The following EP400 variants were observed in gnomAD, a reference collection of about 807,000 sequenced individuals.
EP400 encodes the protein E1A binding protein p400, also known as E1A-binding protein p400.
In EP400, 105 loss-of-function variants were observed where a neutral mutation model predicts 354.1. The ratio of observed to expected loss-of-function variants is 0.30; its 90% confidence interval spans 0.25 to 0.35. EP400 has a LOEUF of 0.35. Ranked by LOEUF, EP400 falls within the 10% of genes least tolerant of loss-of-function variation. The pLI, the probability that EP400 is intolerant of heterozygous loss-of-function variation, is 1.00. For missense variants in EP400, 3,280 were observed against 4,121.0 expected (o/e 0.80, Z 5.59); for synonymous variants, 1,646 against 1,716.9 (o/e 0.96, Z 1.02).
At chr12:132,030,623 T>G (rs1401429411) in intron 29 of EP400, among the ~76,000 whole-genome samples, 1 of 152,222 alleles carries the variant, frequency 6.6e-6, no homozygotes, top group Non-Finnish European at 1.5e-5. Context: ...CCTGGCAGTA[T>G]GGATTTGAAC....
At chr12:132,069,792 A>AG in intron 51 of EP400, 151 bp downstream of exon 51, 7 of 1,225,336 alleles carry the variant, frequency 5.7e-6, no homozygotes, top group Non-Finnish European at 7.8e-6. Context: ...CTCAGGTTTC[A>AG]ACCCCTCTGG....
intron 50 of EP400, chr12:132,068,787 T>C (rs527319100): frequency 1.3e-5 from 2 of 152,526 alleles, no homozygotes; most frequent in East Asian, 1.9e-4. Flanking sequence ...AAGGAGACAG[T>C]GCTGGGACTT....
chr12:131,956,105 A>G (rs1891690199), intron 1 of EP400, among the ~76,000 whole-genome samples: 1 of 151,872 alleles, frequency 6.6e-6, no homozygotes, highest in Admixed American at 6.6e-5. Flanking sequence ...CTCTGTCCCC[A>G]CCATTCTCCT....
At position 132,067,468 on chromosome 12, in the gene EP400, G is replaced by A. The variant is rs111707715; in HGVS notation, c.8856G>A (p.Pro2952=). The A allele has an allele frequency of 5.6e-5, 91 of 1,612,928 alleles. No homozygotes were observed. Among genetic ancestry groups the A allele is most frequent in the East Asian group, 2.7e-4 (12 of 44,880 alleles). The part of the protein sequence containing the change: ...KAIQPQAAQG[P]AAVQQKITAQ... ...TCCAGCCCCAGGCTGCACAGGGCCCGGCAGCCGTCCAGCAGAAGGTACCGG... is the reference window on the plus strand; with the variant it reads ...TCCAGCCCCAGGCTGCACAGGGCCCAGCAGCCGTCCAGCAGAAGGTACCGG... Residue 2952 remains proline, a synonymous_variant, in exon 50 of 53, where the codon CCG becomes CCA. Coordinates refer to ENST00000389561, the MANE Select transcript of EP400 (RefSeq NM_015409.5). This position sits in a 1 kb window ranked among gnomAD's most constrained non-coding sequence, Gnocchi z 5.3.
At chr12:132,003,343 AT>A (rs1566182010) in intron 12 of EP400, among the ~76,000 whole-genome samples, 1 of 152,178 alleles carries the variant, frequency 6.6e-6, no homozygotes, top group Non-Finnish European at 1.5e-5. Flanking sequence ...TAACCTAGAG[AT>A]TATTTAAAAT....
chr12:132,007,692 G>C (rs916852484), intron 15 of EP400, among the ~76,000 whole-genome samples: 1 of 152,252 alleles, frequency 6.6e-6, no homozygotes, highest in Non-Finnish European at 1.5e-5. Flanking sequence ...CCCACTATAT[G>C]TTCCAGACTT....
Position 132,011,523 on chromosome 12 carries a change from T to G in EP400, c.3330T>G (p.Val1110=), listed in dbSNP as rs1211758564. 1 of 1,613,110 alleles carries G rather than the reference T, an allele frequency of 6.2e-7. No individual in the cohort carries two copies. Among genetic ancestry groups the G allele is most frequent in the Non-Finnish European group, 8.5e-7 (1 of 1,179,828 alleles). ...NEGNWGPHLV[V]VRSCNILKWE... is the part of the protein sequence containing the mutation. ...GTAATTGGGGCCCCCATCTTGTTGT[T>G]GTGAGAAGTTGTAACATACTCAAGT... The change falls in exon 16 of 53, where the codon GTT becomes GTG. Residue 1110 remains valine (V), a synonymous_variant. Transcript: ENST00000389561.
chr12:132,019,218 T>G (rs1216089059), intron 21 of EP400, among the ~76,000 whole-genome samples: 1 of 152,156 alleles, frequency 6.6e-6, no homozygotes, highest in Non-Finnish European at 1.5e-5. Flanking sequence ...TTATAAAAGT[T>G]TTTAATAGAG....
In EP400 at chr12:132,050,717, A is replaced by G. The variant is rs372884556; in HGVS notation, c.7394+62A>G. The G allele has an allele frequency of 7.5e-6, 12 of 1,597,750 alleles. No individual in the cohort carries two copies. Among genetic ancestry groups the G allele is most frequent in the Admixed American group, 3.3e-5 (2 of 59,978 alleles). Reference sequence around the variant, plus strand: ...GAAGGATTTCATTCCAGTGTCATCTAAGTTCAGTGAGTTCAGCAAATCGTT... The same window carrying G: ...GAAGGATTTCATTCCAGTGTCATCTGAGTTCAGTGAGTTCAGCAAATCGTT... On this transcript the variant is annotated intron_variant, in intron 41 of 52. Transcript: ENST00000389561. The surrounding 1 kb of genome is among the most constrained non-coding windows in gnomAD (Gnocchi z 4.8).
At chr12:132,014,065 T>A in intron 19 of EP400, 152 bp downstream of exon 19, 1 of 1,038,896 alleles carries the variant, frequency 9.6e-7, no homozygotes, top group Non-Finnish European at 1.4e-6. Flanking sequence ...CAGCAGGCTC[T>A]GCAGCCTCAG....
chr12:132,011,382 C>A lies in EP400; in HGVS notation c.3305-116C>A, dbSNP rs563338789. The A allele has an allele frequency of 1.1e-4, 147 of 1,296,986 alleles. No individual in the cohort carries two copies. The Middle Eastern group carries it at 2.2e-3, about 19-fold the overall frequency. 80.3% of individuals were successfully genotyped at this position (1,296,986 alleles called of 1,614,324 possible). On this transcript the variant is annotated intron_variant, in intron 15 of 52. Transcript: ENST00000389561. ...CCCCCCCAAGTCTGCCTCAGTCGTGCGATGGCTCATGTGACACATACTCAT... is the reference window on the plus strand; with the variant it reads ...CCCCCCCAAGTCTGCCTCAGTCGTGAGATGGCTCATGTGACACATACTCAT...
Position 132,045,386 on chromosome 12 carries a change from C to G in EP400, c.6852C>G (p.Arg2284=). The part of the protein sequence containing the change: ...AVVPPRSLFD[R]ATPGLLKIRR... ...TCCCTCCTCGGTCCCTGTTTGACCG[C>G]GCAACACCAGGACTTCTGAAAATTC... Residue 2284 remains arginine, a synonymous_variant, in exon 38 of 53, where the codon CGC becomes CGG. Transcript: ENST00000389561. 1 of 1,614,202 alleles carries G rather than the reference C, an allele frequency of 6.2e-7. No homozygotes were observed. Among genetic ancestry groups the G allele is most frequent in the Non-Finnish European group, 8.5e-7 (1 of 1,180,046 alleles).
At chr12:131,981,661 C>T (rs1892686262) in intron 4 of EP400, 65 bp downstream of exon 4, 2 of 1,392,172 alleles carry the variant, frequency 1.4e-6, no homozygotes, top group Non-Finnish European at 2.0e-6. Context: ...GTTCCAGAAA[C>T]CAGCACCAGA....
chr12:132,006,417 T>G, intron 14 of EP400, 115 bp downstream of exon 14: 1 of 1,285,954 alleles, frequency 7.8e-7, no homozygotes, highest in Non-Finnish European at 1.0e-6. Flanking sequence ...AACTGCAGAG[T>G]TGTCAGAAAA....
intron 1 of EP400, among the ~76,000 whole-genome samples, chr12:131,952,715 G>C (rs1891554702): frequency 2.0e-5 from 3 of 152,136 alleles, no homozygotes; most frequent in Admixed American, 2.0e-4. Flanking sequence ...GTCTCCCACC[G>C]TGTTGGAATT....
Position 132,043,736 on chromosome 12 carries a change from A to C in EP400, c.6450+8A>C. On this transcript the variant is annotated splice_region_variant and intron_variant, in intron 34 of 52. Transcript: ENST00000389561. The stretch of plus-strand genomic sequence containing the variant: ...AAGGAGAGAAACAGTGAGGTAAGAG[A>C]ATCAACTTTTGGTCAGTGAAAAAAA... 1 of 1,596,082 alleles carries C rather than the reference A, an allele frequency of 6.3e-7. No homozygotes were observed. The highest frequency in any genetic ancestry group is 8.5e-7 in the Non-Finnish European group (1 of 1,174,914).
In EP400 at chr12:132,038,745, T is replaced by G. The variant is rs1027857726; in HGVS notation, c.6207+649T>G. ...TGTCACAGACCCGTCACGGGGCCGC[T>G]GTTCCCTCCCTGTCCCCGTGGCTTG... On this transcript the variant is annotated intron_variant, in intron 32 of 52. Transcript: ENST00000389561. The surrounding 1 kb of genome is among the most constrained non-coding windows in gnomAD (Gnocchi z 4.2). Among the ~76,000 whole-genome samples the G allele has an allele frequency of 6.6e-6, 1 of 152,216 alleles. No individual in the cohort carries two copies. Among genetic ancestry groups the G allele is most frequent in the Non-Finnish European group, 1.5e-5 (1 of 68,042 alleles).
rs748036428 is a variant in EP400, at chr12:131,986,715, G to A, written c.2131G>A (p.Ala711Thr). 2 of 1,614,172 alleles carry A rather than the reference G, an allele frequency of 1.2e-6. No individual in the cohort carries two copies. Among genetic ancestry groups the A allele is most frequent in the Admixed American group, 3.3e-5 (2 of 60,026 alleles). Residue 711 changes from alanine (A) to threonine (T), a missense_variant, in exon 6 of 53, where the codon GCA becomes ACA. Physicochemically the swap from Ala to Thr is moderately conservative, Grantham distance 58 (BLOSUM62 0). Around this residue, in one of 20 missense-constraint regions of EP400, gnomAD observed 800 missense variants for 840.0 expected, o/e 0.95. Transcript: ENST00000389561. ...PVTSRTPGVV[A>T]SAPTKPQSPA... ...CACTTCCCGGACCCCAGGGGTGGTG[G>A]CATCTGCCCCCACCAAACCACAGAG... is the stretch of plus-strand genomic sequence containing the variant.
chr12:131,950,322 C>T (rs1192506974), intron 1 of EP400, among the ~76,000 whole-genome samples: 1 of 152,104 alleles, frequency 6.6e-6, no homozygotes, highest in Non-Finnish European at 1.5e-5. Context: ...GGGCTGGGGG[C>T]GTGGCCGAGG....
Sources: allele counts gnomAD v4.1 joint callset (sites outside exome capture counted in the v4.1 genomes callset), GRCh38; gene constraint gnomAD v4.1.1; regional missense constraint gnomAD v4.1.1; non-coding constraint Gnocchi (gnomAD v3.1); transcripts MANE v1.5; gene names NCBI Gene and HGNC (gene_info 2026-07-23, HGNC 2026-07-21).